The following PIWIL1 variants were observed in gnomAD, a reference collection of about 807,000 sequenced individuals.
PIWIL1 encodes piwi like RNA-mediated gene silencing 1.
Under a neutral mutation model 114.4 loss-of-function variants are expected in PIWIL1, and 73 were observed. The ratio of observed to expected loss-of-function variants is 0.64; its 90% CI spans 0.53 to 0.78. The LOEUF (loss-of-function observed/expected upper bound fraction) is 0.78, where lower values mean the gene tolerates loss of function less well. PIWIL1 is among the 30% of genes least tolerant of loss of function. PIWIL1 has a pLI of 0.00. For synonymous variants in PIWIL1, 375 were observed against 369.0 expected (o/e 1.02, Z -0.19); for missense variants, 723 against 1,063.1 (o/e 0.68, Z 4.45).
Position 130,357,015 on chromosome 12 carries a change from C to T in PIWIL1, c.1502C>T (p.Thr501Met), listed in dbSNP as rs112831011. Residue 501 changes from threonine (T) to methionine (M), a missense_variant, in exon 13 of 21, where the codon ACG (threonine) becomes ATG (methionine). Coordinates refer to ENST00000245255, the MANE Select transcript of PIWIL1 (RefSeq NM_004764.5). ...KPLDNWLLIYTRRNYEAANSL... is the reference protein window; with the variant it reads ...KPLDNWLLIYMRRNYEAANSL... ...CTAGATAACTGGCTGTTGATCTATA[C>T]GCGAAGAAATTATGAAGCAGCCAAT... is the stretch of plus-strand genomic sequence containing the variant. 6.2e-6 allele frequency: 10 copies of T among 1,613,472 alleles called. No individual in the cohort carries two copies. The East Asian group carries it at 6.7e-5, about 11-fold the overall frequency.
At chr12:130,379,125 A>G in the PIWIL1 span, among the ~76,000 whole-genome samples, 1 of 152,238 alleles carries the variant, frequency 6.6e-6, no homozygotes, top group East Asian at 1.9e-4. Flanking sequence ...AGTATTTGGA[A>G]AAAAGTATCT....
the PIWIL1 span, chr12:130,424,077 C>G: frequency 4.5e-6 from 4 of 885,554 alleles, no homozygotes; most frequent in Admixed American, 4.3e-5. This position sits in a 1 kb window ranked among gnomAD's most constrained non-coding sequence, Gnocchi z 9.8. Context: ...AAACAGAAAA[C>G]CAGTGAAAGG....
chr12:130,368,783 G>A (rs1302610933), intron 19 of PIWIL1, among the ~76,000 whole-genome samples: 1 of 152,006 alleles, frequency 6.6e-6, no homozygotes, highest in African/African-American at 2.4e-5. Context: ...TAAAATCCCA[G>A]TTGAATTATG....
At chr12:130,416,393 CAGAAT>C in the PIWIL1 span, among the ~76,000 whole-genome samples, 3 of 152,122 alleles carry the variant, frequency 2.0e-5, no homozygotes, top group Non-Finnish European at 2.9e-5. Context: ...ACTAATGGAA[CAGAAT>C]AGAGAACCAG....
At chr12:130,394,124 T>C in the PIWIL1 span, among the ~76,000 whole-genome samples, 1 of 152,066 alleles carries the variant, frequency 6.6e-6, no homozygotes, top group Non-Finnish European at 1.5e-5. Context: ...TCCTGCTCCA[T>C]GGAGTATTTC....
At chr12:130,392,713 T>G in the PIWIL1 span, among the ~76,000 whole-genome samples, 8 of 119,378 alleles carry the variant, frequency 6.7e-5, no homozygotes, top group African/African-American at 2.0e-4. Flanking sequence ...AATGTTGTGA[T>G]GACCCGGTCA....
the PIWIL1 span, chr12:130,424,364 G>A: frequency 5.0e-5 from 62 of 1,232,498 alleles, no homozygotes; most frequent in Admixed American, 1.5e-3. The surrounding 1 kb of genome is among the most constrained non-coding windows in gnomAD (Gnocchi z 9.8). Flanking sequence ...CCTCCTCCAC[G>A]CTGCTCTGCC....
chr12:130,360,839 T>C (rs1426550991), intron 14 of PIWIL1, among the ~76,000 whole-genome samples: 1 of 152,222 alleles, frequency 6.6e-6, no homozygotes, highest in Non-Finnish European at 1.5e-5. Context: ...ATTAAGACTG[T>C]GGGAAATCTT....
At chr12:130,342,943 C>A (rs1464510327) in intron 2 of PIWIL1, 47 bp from the exon 3 acceptor site, 3 of 1,405,772 alleles carry the variant, frequency 2.1e-6, no homozygotes, top group South Asian at 1.2e-5. Flanking sequence ...TCTCTGGTGT[C>A]TGACCGCTTG....
At chr12:130,410,601 A>G in the PIWIL1 span, among the ~76,000 whole-genome samples, 3 of 152,222 alleles carry the variant, frequency 2.0e-5, no homozygotes, top group Non-Finnish European at 2.9e-5. Context: ...GTCAGCACCA[A>G]TGATTGAAAA....
chr12:130,412,845 T>G, the PIWIL1 span: 1 of 1,484,560 alleles, frequency 6.7e-7, no homozygotes, highest in South Asian at 1.2e-5. Flanking sequence ...AGAAATACAA[T>G]AGTCCCACTG....
At chr12:130,418,225 A>G in the PIWIL1 span, among the ~76,000 whole-genome samples, 1 of 152,220 alleles carries the variant, frequency 6.6e-6, no homozygotes, top group Non-Finnish European at 1.5e-5. Flanking sequence ...TTGAATGCCT[A>G]ATCTAAAATG....
At chr12:130,424,978 A>G in the PIWIL1 span, 4 of 505,874 alleles carry the variant, frequency 7.9e-6, no homozygotes, top group Admixed American at 4.4e-5. The surrounding 1 kb of genome is among the most constrained non-coding windows in gnomAD (Gnocchi z 9.8). Context: ...GAGGGGGGGG[A>G]AGCATGCGTC....
rs1192176121 is a variant in PIWIL1, at chr12:130,355,586, G to A, written c.1323G>A (p.Trp441Ter). The change falls in exon 12 of 21, where the codon TGG becomes TGA. Residue 441 changes from tryptophan to a stop codon, truncating the protein, a stop_gained. Transcript: ENST00000245255. LOFTEE classifies it high-confidence loss of function. ...NDNVQRELRD[W>*]GLSFDSNLLS... ...ATGTTCAAAGGGAGCTTCGAGACTG[G>A]GGTTTGAGCTTTGATTCCAACTTAC... The A allele has an allele frequency of 6.2e-7, 1 of 1,614,066 alleles. No individual in the cohort carries two copies. Among genetic ancestry groups the A allele is most frequent in the Admixed American group, 1.7e-5 (1 of 60,032 alleles).
At chr12:130,392,629 A>C in the PIWIL1 span, among the ~76,000 whole-genome samples, 1 of 123,824 alleles carries the variant, frequency 8.1e-6, no homozygotes, top group Admixed American at 8.2e-5. Context: ...TCTGTCAGTT[A>C]CCTGGTGAAT....
chr12:130,362,898 G>C, intron 17 of PIWIL1, 62 bp downstream of exon 17: 1 of 1,610,304 alleles, frequency 6.2e-7, no homozygotes. Flanking sequence ...AAATTACCCT[G>C]AACTGTGTTA....
the PIWIL1 span, chr12:130,414,191 G>A: frequency 1.2e-6 from 2 of 1,614,248 alleles, no homozygotes; most frequent in Non-Finnish European, 1.7e-6. Context: ...GGGACATGGT[G>A]AGCGGGTCGT....
chr12:130,390,683 C>T, the PIWIL1 span, among the ~76,000 whole-genome samples: 2 of 152,194 alleles, frequency 1.3e-5, no homozygotes, highest in Non-Finnish European at 2.9e-5. Flanking sequence ...GTTTCCTACC[C>T]CTTACTCTGA....
chr12:130,418,665 G>A, the PIWIL1 span, among the ~76,000 whole-genome samples: 1 of 152,198 alleles, frequency 6.6e-6, no homozygotes, highest in African/African-American at 2.4e-5. Context: ...AACGTGCAGA[G>A]GGGTCAGGGG....
Sources: gnomAD v4.1 joint callset for allele counts (sites outside exome capture counted in the v4.1 genomes callset) on GRCh38, gnomAD v4.1.1 for gene constraint, Gnocchi (gnomAD v3.1) non-coding constraint, MANE v1.5 for transcripts, NCBI Gene and HGNC (gene_info 2026-07-23, HGNC 2026-07-21) for gene names.